The following OSBPL5 variants were observed in gnomAD, a reference collection of about 807,000 sequenced individuals.
OSBPL5 encodes oxysterol-binding protein-related protein 5.
In OSBPL5, 71 loss-of-function variants were observed where a neutral mutation model predicts 111.2. The ratio of observed to expected loss-of-function variants is 0.64; its 90% CI spans 0.53 to 0.78. The LOEUF (loss-of-function observed/expected upper bound fraction) is 0.78. OSBPL5 is among the 30% of genes least tolerant of loss of function. OSBPL5 has a pLI of 0.00. For synonymous variants in OSBPL5, 549 were observed against 513.9 expected (o/e 1.07, Z -0.93); for missense variants, 1,210 against 1,189.3 (o/e 1.02, Z -0.26).
intron 21 of OSBPL5, 90 bp from the exon 22 acceptor site, chr11:3,088,433 C>T: frequency 7.4e-7 from 1 of 1,342,890 alleles, no homozygotes; most frequent in South Asian, 1.9e-5. Context: ...GGTACTTGAC[C>T]AGGTGCTGGA....
At chr11:3,095,227 A>G (rs1410059665) in intron 14 of OSBPL5, among the ~76,000 whole-genome samples, 1 of 151,320 alleles carries the variant, frequency 6.6e-6, no homozygotes, top group Non-Finnish European at 1.5e-5. Context: ...ACGGAGAGGA[A>G]GAAGGCCCAG....
chr11:3,144,054 C>T (rs982984714), intron 1 of OSBPL5, among the ~76,000 whole-genome samples: 2 of 152,116 alleles, frequency 1.3e-5, no homozygotes, highest in Admixed American at 6.5e-5. Context: ...CCACTGAGCC[C>T]GGCAAACCTC....
chr11:3,101,853 CT>C (rs1857469371), intron 12 of OSBPL5, among the ~76,000 whole-genome samples, 154 bp from the exon 13 acceptor site: 1 of 152,204 alleles, frequency 6.6e-6, no homozygotes, highest in Admixed American at 6.5e-5. Flanking sequence ...CTGGCTCTCG[CT>C]TACGACGCCC....
chr11:3,096,387 G>C (rs1005930986), intron 14 of OSBPL5, among the ~76,000 whole-genome samples: 2 of 152,162 alleles, frequency 1.3e-5, no homozygotes, highest in African/African-American at 4.8e-5. Context: ...GGGAGGCCGA[G>C]GTAGGCTGAT....
rs4758537 is a variant in OSBPL5, at chr11:3,141,086, A to G, written c.-21-11917T>C. ...GTACGAAGAGGCCCCCAAAACAGGA[A>G]TAAAAACCACCTAACAACAGAAACA... On this transcript the variant is annotated intron_variant, in intron 1 of 21. Transcript: ENST00000263650. The surrounding 1 kb of genome is among the most constrained non-coding windows in gnomAD (Gnocchi z 6.5). Among the ~76,000 whole-genome samples the G allele has an allele frequency of 0.079, 11,795 of 149,820 alleles. 507 individuals carry two copies. Among genetic ancestry groups the G allele is most frequent in the African/African-American group, 0.1 (4,028 of 39,994 alleles).
intron 1 of OSBPL5, 33 bp from the exon 2 acceptor site, chr11:3,129,202 C>T: frequency 1.5e-6 from 2 of 1,360,780 alleles, no homozygotes; most frequent in Non-Finnish European, 1.9e-6. Context: ...AGCAGGAGGT[C>T]ACCGCCCCGG....
chr11:3,143,030 C>T (rs1444905017), intron 1 of OSBPL5, among the ~76,000 whole-genome samples: 1 of 26,030 alleles, frequency 3.8e-5, no homozygotes, highest in East Asian at 1.3e-3. Flanking sequence ...GAGGCAGGTG[C>T]GGGGGGGGGC....
In OSBPL5 at chr11:3,121,801, G is replaced by T; in HGVS notation, c.402+196C>A. ...TAAGGTGGCCCTAATTCCTACCACT[G>T]GTGTCCTTATAAAAAGGGGGAGAGA... On this transcript the variant is annotated intron_variant, in intron 5 of 21. Coordinates refer to ENST00000263650, the MANE Select transcript of OSBPL5 (RefSeq NM_020896.4). This position sits in a 1 kb window ranked among gnomAD's most constrained non-coding sequence, Gnocchi z 4.3. 1 of 601,114 alleles carries T rather than the reference G, an allele frequency of 1.7e-6. No homozygotes were observed. The allele number at this position is 601,114 out of a possible 1,614,324, so 37.2% of individuals were successfully genotyped here. A position where few individuals can be genotyped will look rare whatever the true frequency, so the allele number is the denominator to read the frequency against.
intron 2 of OSBPL5, among the ~76,000 whole-genome samples, chr11:3,127,540 C>T (rs762801856): frequency 5.9e-5 from 9 of 152,206 alleles, no homozygotes; most frequent in Non-Finnish European, 1.2e-4. Context: ...TGACCCTGGC[C>T]GGCAGTGGCT....
chr11:3,119,134 C>T (rs751251570), intron 7 of OSBPL5, among the ~76,000 whole-genome samples: 57 of 152,162 alleles, frequency 3.7e-4, no homozygotes, highest in Non-Finnish European at 5.4e-4. Flanking sequence ...CTCAGTCTCC[C>T]GAGTAGCTGG....
Position 3,129,067 on chromosome 11 carries a change from G to A in OSBPL5, c.82C>T (p.Leu28Phe). 6.3e-7 allele frequency: 1 copy of A among 1,582,540 alleles called. No homozygotes were observed. Among genetic ancestry groups the A allele is most frequent in the Non-Finnish European group, 8.6e-7 (1 of 1,165,384 alleles). The change falls in exon 2 of 22, where the codon CTC becomes TTC. Residue 28 changes from leucine (L) to phenylalanine (F), a missense_variant. Physicochemically the swap from Leu to Phe is conservative, Grantham distance 22. Coordinates refer to ENST00000263650, the MANE Select transcript of OSBPL5 (RefSeq NM_020896.4). Reference protein sequence around the residue: ...STPQKVDPRKLTRNLLLSGDN... With the variant: ...STPQKVDPRKFTRNLLLSGDN... ...CCGCTGAGGAGCAAGTTCCGGGTGA[G>A]CTTCCGGGGGTCGACTTTCTGAGGG...
At chr11:3,114,343 T>C (rs143676207) in intron 7 of OSBPL5, among the ~76,000 whole-genome samples, 1,526 of 152,194 alleles carry the variant, frequency 0.01, 20 homozygotes, top group African/African-American at 0.035. Context: ...AGAAAGAATC[T>C]TGTATGGTAA....
chr11:3,093,255 C>A, intron 17 of OSBPL5: 1 of 742,250 alleles, frequency 1.3e-6, no homozygotes, highest in Non-Finnish European at 2.1e-6. Flanking sequence ...CTCCCATCTC[C>A]CGCCTGCAGG....
Position 3,109,965 on chromosome 11 carries a change from C to A in OSBPL5, c.692-2020G>T, listed in dbSNP as rs1857858126. Among the ~76,000 whole-genome samples, 1 of 152,230 alleles carries A rather than the reference C, an allele frequency of 6.6e-6. No individual in the cohort carries two copies. The highest frequency in any genetic ancestry group is 2.4e-5 in the African/African-American group (1 of 41,460). ...CACCCTATCAGGGGCTCAGCTCACA[C>A]CTCAGCCCAACCTGCCTTATCTGAT... is the stretch of plus-strand genomic sequence containing the variant. On this transcript the variant is annotated intron_variant, in intron 7 of 21. Transcript: ENST00000263650. This position sits in a 1 kb window ranked among gnomAD's most constrained non-coding sequence, Gnocchi z 7.4.
intron 16 of OSBPL5, 39 bp from the exon 17 acceptor site, chr11:3,093,702 C>A (rs201912702): frequency 1.9e-6 from 3 of 1,612,416 alleles, no homozygotes; most frequent in African/African-American, 1.3e-5. Flanking sequence ...GCTGGCCTGG[C>A]GTTGACCGCC....
At chr11:3,150,255 G>C (rs1026415303) in intron 1 of OSBPL5, among the ~76,000 whole-genome samples, 1 of 152,104 alleles carries the variant, frequency 6.6e-6, no homozygotes, top group East Asian at 1.9e-4. Context: ...CCAAGTCCCC[G>C]GGGGGAGCAG....
intron 13 of OSBPL5, among the ~76,000 whole-genome samples, chr11:3,101,040 T>C (rs1243280163): frequency 6.8e-6 from 1 of 146,840 alleles, no homozygotes; most frequent in Non-Finnish European, 1.5e-5. Context: ...AGTGGCACCA[T>C]CTTGGCTCAC....
intron 14 of OSBPL5, among the ~76,000 whole-genome samples, chr11:3,098,495 ATTTTTTTTTT>A (rs552382553): frequency 3.2e-4 from 26 of 81,196 alleles, no homozygotes; most frequent in African/African-American, 1.4e-3. Flanking sequence ...ACATGAAGGA[ATTTTTTTTTT>A]TTTTTTTTTT....
At chr11:3,108,057 CT>C in intron 7 of OSBPL5, 112 bp from the exon 8 acceptor site, 1 of 1,406,514 alleles carries the variant, frequency 7.1e-7, no homozygotes, top group Admixed American at 2.1e-5. Context: ...GACCCACCCC[CT>C]CCATCCCAGA....
Sources: gnomAD v4.1 joint callset for allele counts (sites outside exome capture counted in the v4.1 genomes callset) on GRCh38, gnomAD v4.1.1 for gene constraint, Gnocchi (gnomAD v3.1) non-coding constraint, MANE v1.5 for transcripts, NCBI Gene and HGNC (gene_info 2026-07-23, HGNC 2026-07-21) for gene names.